Variants in RAPGEF2 observed in about 807,000 individuals in gnomAD.
The protein encoded by RAPGEF2 is Rap guanine nucleotide exchange factor 2.
RAPGEF2 carries 54 observed loss-of-function variants against 186.7 expected under a neutral mutation model. The observed-to-expected ratio is 0.29, with a 90% CI of 0.23 to 0.36. The LOEUF (loss-of-function observed/expected upper bound fraction) is 0.36. RAPGEF2 is among the 10% of genes least tolerant of loss of function. The probability of loss-of-function intolerance (pLI) is 1.00; values close to 1 mark genes in which losing one functional copy is unlikely to be tolerated. For missense variants in RAPGEF2, 1,532 were observed against 2,045.0 expected (o/e 0.75, Z 4.84); for synonymous variants, 712 against 705.9 (o/e 1.01, Z -0.14).
At chr4:159,311,455 G>A (rs1763944637) in intron 8 of RAPGEF2, among the ~76,000 whole-genome samples, 2 of 152,188 alleles carry the variant, frequency 1.3e-5, no homozygotes, top group Admixed American at 1.3e-4. Context: ...CAAGTTCTAA[G>A]ATGAAGAAAG....
chr4:159,243,877 T>C (rs1207817894), intron 7 of RAPGEF2, 86 bp downstream of exon 7: 6 of 997,470 alleles, frequency 6.0e-6, no homozygotes, highest in Non-Finnish European at 6.9e-6. Flanking sequence ...ATAATATTCA[T>C]ATGTTTTGCT....
At chr4:159,197,986 G>A (rs1001800869) in intron 3 of RAPGEF2, among the ~76,000 whole-genome samples, 8 of 152,120 alleles carry the variant, frequency 5.3e-5, no homozygotes, top group Admixed American at 2.0e-4. Context: ...TTCTGAGACC[G>A]TAAGCCTGAC....
chr4:159,131,144 C>T (rs1254445179), intron 1 of RAPGEF2, among the ~76,000 whole-genome samples: 2 of 149,984 alleles, frequency 1.3e-5, no homozygotes, highest in Non-Finnish European at 3.0e-5. Context: ...GAATTTCGCC[C>T]TTGTTGCCCA....
At chr4:159,106,961 G>A (rs1737956208) in intron 1 of RAPGEF2, among the ~76,000 whole-genome samples, 1 of 152,230 alleles carries the variant, frequency 6.6e-6, no homozygotes, top group African/African-American at 2.4e-5. Flanking sequence ...TAGAGAGGGG[G>A]AATAGTAAGG....
intron 1 of RAPGEF2, among the ~76,000 whole-genome samples, chr4:159,131,883 C>T (rs1047736416): frequency 1.3e-5 from 2 of 151,958 alleles, no homozygotes; most frequent in African/African-American, 4.8e-5. Context: ...CTTTGGTTCT[C>T]TATGCTAACT....
chr4:159,222,916 T>TTATATATA (rs141718364), intron 4 of RAPGEF2, among the ~76,000 whole-genome samples: 1 of 148,900 alleles, frequency 6.7e-6, no homozygotes, highest in African/African-American at 2.5e-5. Context: ...ATGAGTTGAA[T>TTATATATA]TATATATATA....
chr4:159,121,040 A>G (rs981237685), intron 1 of RAPGEF2, among the ~76,000 whole-genome samples: 7 of 152,030 alleles, frequency 4.6e-5, no homozygotes, highest in African/African-American at 1.7e-4. Flanking sequence ...TTTTTAGTAG[A>G]GACAGAGTTT....
At chr4:159,224,813 C>A (rs573577201) in intron 4 of RAPGEF2, among the ~76,000 whole-genome samples, 4 of 152,074 alleles carry the variant, frequency 2.6e-5, no homozygotes, top group African/African-American at 9.6e-5. Context: ...AGCTAAGGGC[C>A]TGACTAGTAT....
chr4:159,332,330 T>C, intron 16 of RAPGEF2, 121 bp from the exon 17 acceptor site: 2 of 1,035,454 alleles, frequency 1.9e-6, no homozygotes, highest in Non-Finnish European at 2.8e-6. Flanking sequence ...TCTGCAGGTT[T>C]GCAGTTTTGA....
chr4:159,110,885 T>C (rs1010108466), intron 1 of RAPGEF2, among the ~76,000 whole-genome samples: 3 of 138,796 alleles, frequency 2.2e-5, no homozygotes, highest in African/African-American at 8.5e-5. Context: ...ATCTTGTAAC[T>C]TTATCAGAGC....
At chr4:159,299,856 T>C (rs1762439947) in intron 7 of RAPGEF2, among the ~76,000 whole-genome samples, 1 of 151,952 alleles carries the variant, frequency 6.6e-6, no homozygotes, top group East Asian at 1.9e-4. Flanking sequence ...AAGCTAATTA[T>C]GGTAGCATCT....
intron 17 of RAPGEF2, among the ~76,000 whole-genome samples, chr4:159,335,326 C>G (rs1294386727): frequency 2.6e-5 from 4 of 152,226 alleles, no homozygotes; most frequent in Middle Eastern, 3.4e-3. Context: ...CACTATAAAA[C>G]CAGTGCAGAT....
At chr4:159,204,495 A>G (rs1395418147) in intron 3 of RAPGEF2, among the ~76,000 whole-genome samples, 1 of 152,176 alleles carries the variant, frequency 6.6e-6, no homozygotes, top group Non-Finnish European at 1.5e-5. Context: ...TTCTTTGTTT[A>G]GACTTGGGAT....
At chr4:159,355,261 C>A (rs1731799868) in intron 28 of RAPGEF2, among the ~76,000 whole-genome samples, 4 of 152,226 alleles carry the variant, frequency 2.6e-5, no homozygotes, top group Non-Finnish European at 4.4e-5. Context: ...AAAATAGACA[C>A]CTTATAGTAA....
At position 159,343,044 on chromosome 4, in the gene RAPGEF2, A is replaced by C; in HGVS notation, c.2984A>C (p.Glu995Ala). The C allele has an allele frequency of 6.2e-7, 1 of 1,614,134 alleles. No individual in the cohort carries two copies. Among genetic ancestry groups the C allele is most frequent in the Non-Finnish European group, 8.5e-7 (1 of 1,179,984 alleles). Reference protein sequence around the residue: ...TTWEKLPNKYEKLFQDLQDLF... With the variant: ...TTWEKLPNKYAKLFQDLQDLF... ...TGGGAGAAACTTCCCAATAAATACG[A>C]AAAACTATTTCAAGATCTCCAAGAC... Residue 995 changes from glutamate (E) to alanine (A), a missense_variant, in exon 21 of 30, where the codon GAA (glutamate) becomes GCA (alanine). Transcript: ENST00000691494.
At chr4:159,261,230 T>A (rs955655153) in intron 7 of RAPGEF2, among the ~76,000 whole-genome samples, 1 of 152,016 alleles carries the variant, frequency 6.6e-6, no homozygotes, top group Non-Finnish European at 1.5e-5. Context: ...CTGGCTAATT[T>A]TTTTTGTATT....
intron 1 of RAPGEF2, among the ~76,000 whole-genome samples, chr4:159,110,119 A>C (rs987526631): frequency 5.9e-5 from 9 of 152,196 alleles, no homozygotes; most frequent in Admixed American, 3.3e-4. Flanking sequence ...AGTGCAGCCT[A>C]ATTATGGCAC....
At chr4:159,345,859 T>G (rs1730226677) in intron 24 of RAPGEF2, among the ~76,000 whole-genome samples, 1 of 152,170 alleles carries the variant, frequency 6.6e-6, no homozygotes, top group Non-Finnish European at 1.5e-5. Flanking sequence ...CAGTTTTTTT[T>G]TTTTTCTAAA....
intron 7 of RAPGEF2, among the ~76,000 whole-genome samples, chr4:159,288,910 C>T (rs1042972574): frequency 6.6e-6 from 1 of 151,806 alleles, no homozygotes; most frequent in African/African-American, 2.4e-5. Context: ...ATTTATTCAC[C>T]TCTCACTTCA....
Sources: gnomAD v4.1 joint callset for allele counts (sites outside exome capture counted in the v4.1 genomes callset) on GRCh38, gnomAD v4.1.1 for gene constraint, MANE v1.5 for transcripts, NCBI Gene and HGNC (gene_info 2026-07-23, HGNC 2026-07-21) for gene names.